Variants in SNX30 observed in about 807,000 individuals in gnomAD.
SNX30 encodes sorting nexin-30.
In SNX30, 24 loss-of-function variants were observed where a neutral mutation model predicts 46.4. The ratio of observed to expected loss-of-function variants is 0.52; its 90% CI spans 0.37 to 0.73. SNX30 has a LOEUF of 0.73. Among genes scored for constraint, SNX30 ranks in the 30% least tolerant of loss-of-function variants. The pLI, the probability that SNX30 is intolerant of heterozygous loss-of-function variation, is 0.00. For missense variants in SNX30, 533 were observed against 555.7 expected (o/e 0.96, Z 0.41); for synonymous variants, 189 against 211.5 (o/e 0.89, Z 0.92).
chr9:112,860,762 T>C (rs1841212865), intron 7 of SNX30, among the ~76,000 whole-genome samples: 1 of 152,228 alleles, frequency 6.6e-6, no homozygotes. Flanking sequence ...ATATAGTTTG[T>C]ATTTGGAAGA....
At chr9:112,822,227 T>C (rs1444534700) in intron 3 of SNX30, among the ~76,000 whole-genome samples, 1 of 152,214 alleles carries the variant, frequency 6.6e-6, no homozygotes, top group Middle Eastern at 3.2e-3. Context: ...AGTAACCATA[T>C]GTTCTTAAAA....
chr9:112,761,692 C>T (rs1000358277), intron 1 of SNX30, among the ~76,000 whole-genome samples: 5 of 151,900 alleles, frequency 3.3e-5, no homozygotes, highest in African/African-American at 7.3e-5. Flanking sequence ...GAGAGGGGGG[C>T]GCAGACCGGG....
At chr9:112,849,828 G>A (rs1363145092) in intron 6 of SNX30, among the ~76,000 whole-genome samples, 2 of 152,238 alleles carry the variant, frequency 1.3e-5, no homozygotes, top group African/African-American at 4.8e-5. Flanking sequence ...TGTGGGGAAA[G>A]TGCATGATTA....
intron 4 of SNX30, among the ~76,000 whole-genome samples, chr9:112,835,796 T>C (rs755420725): frequency 3.3e-5 from 5 of 152,194 alleles, no homozygotes; most frequent in African/African-American, 7.2e-5. Flanking sequence ...ACTCCCCTTA[T>C]ATGGCTTTAG....
chr9:112,778,358 C>T (rs866400238), intron 1 of SNX30, among the ~76,000 whole-genome samples: 2 of 149,160 alleles, frequency 1.3e-5, no homozygotes, highest in South Asian at 2.1e-4. Flanking sequence ...CTGCAACCTA[C>T]GCCTCCCGGG....
chr9:112,759,598 G>A (rs560634619), intron 1 of SNX30, among the ~76,000 whole-genome samples: 42 of 152,090 alleles, frequency 2.8e-4, no homozygotes, highest in African/African-American at 7.0e-4. Flanking sequence ...GCATGGTGGC[G>A]CACACCTGTA....
intron 1 of SNX30, among the ~76,000 whole-genome samples, chr9:112,791,194 A>G (rs1209559071): frequency 6.6e-6 from 1 of 152,070 alleles, no homozygotes; most frequent in African/African-American, 2.4e-5. Flanking sequence ...GTCTTTATTA[A>G]GCTGGCTCTC....
intron 2 of SNX30, among the ~76,000 whole-genome samples, chr9:112,807,836 C>G (rs1187685551): frequency 2.0e-5 from 3 of 152,198 alleles, no homozygotes; most frequent in Admixed American, 2.0e-4. Flanking sequence ...CTTTTTCCCT[C>G]TGTGTTCTTA....
intron 1 of SNX30, among the ~76,000 whole-genome samples, chr9:112,776,493 G>A (rs551861361): frequency 1.6e-4 from 25 of 152,306 alleles, no homozygotes; most frequent in African/African-American, 4.1e-4. Context: ...TGAGCATGCC[G>A]AGTTTCCAGT....
chr9:112,764,902 G>A (rs149197861), intron 1 of SNX30, among the ~76,000 whole-genome samples: 11 of 152,314 alleles, frequency 7.2e-5, no homozygotes, highest in Non-Finnish European at 1.3e-4. Context: ...CATCATCGAC[G>A]CAGGGGGAGT....
At chr9:112,879,766 T>G, downstream of SNX30, 2 of 1,612,310 alleles carry the variant, frequency 1.2e-6, no homozygotes, top group Non-Finnish European at 1.7e-6. Context: ...GCATCTTCAT[T>G]TCTCTATGAT....
chr9:112,822,038 C>T (rs990220090), intron 3 of SNX30, among the ~76,000 whole-genome samples: 34 of 152,028 alleles, frequency 2.2e-4, no homozygotes, highest in African/African-American at 7.0e-4. Context: ...CTCAGCCTCT[C>T]GAATAGCTGG....
At chr9:112,811,530 T>G (rs1462249046) in intron 2 of SNX30, among the ~76,000 whole-genome samples, 1 of 152,144 alleles carries the variant, frequency 6.6e-6, no homozygotes, top group Admixed American at 6.5e-5. Flanking sequence ...CATTCTGTGC[T>G]GGGTCTTCTA....
intron 3 of SNX30, among the ~76,000 whole-genome samples, chr9:112,826,346 A>T (rs574527553): frequency 1.3e-5 from 2 of 152,310 alleles, no homozygotes; most frequent in South Asian, 4.2e-4. Context: ...GGGGTTGAGA[A>T]ATCAATGGGA....
At chr9:112,811,496 C>T (rs1158684692) in intron 2 of SNX30, among the ~76,000 whole-genome samples, 1 of 152,126 alleles carries the variant, frequency 6.6e-6, no homozygotes, top group Non-Finnish European at 1.5e-5. Flanking sequence ...GTGGAGTGCC[C>T]TGCTGGATGA....
chr9:112,838,495 C>T lies in SNX30; in HGVS notation c.815-3C>T. ...TTTTAATTAGTTTCTGTTCCCTGTT[C>T]AGAGTACCTTGTGGAGCTGAGAGAA... On this transcript the variant is annotated splice_polypyrimidine_tract_variant and splice_region_variant and intron_variant, in intron 5 of 8. Transcript: ENST00000374232. 1 of 1,607,120 alleles carries T rather than the reference C, an allele frequency of 6.2e-7. No homozygotes were observed. The highest frequency in any genetic ancestry group is 2.2e-5 in the East Asian group (1 of 44,732).
intron 1 of SNX30, among the ~76,000 whole-genome samples, chr9:112,795,730 A>G (rs940413523): frequency 6.0e-5 from 9 of 150,604 alleles, no homozygotes; most frequent in Middle Eastern, 3.4e-3. Flanking sequence ...CTGGGGAGAC[A>G]GAAAGATAAT....
chr9:112,877,114 C>A (rs573229912), downstream of SNX30: 2 of 146,906 alleles, frequency 1.4e-5, no homozygotes, highest in East Asian at 4.1e-4. Context: ...CTAACCGGTT[C>A]CCAGGTGATG....
chr9:112,756,793 C>T (rs1180067634), intron 1 of SNX30, among the ~76,000 whole-genome samples: 2 of 152,192 alleles, frequency 1.3e-5, no homozygotes, highest in African/African-American at 4.8e-5. Context: ...TCTGCTCTCT[C>T]CCACGGCCGC....
Sources: gnomAD v4.1 joint callset for allele counts (sites outside exome capture counted in the v4.1 genomes callset) on GRCh38, gnomAD v4.1.1 for gene constraint, MANE v1.5 for transcripts, NCBI Gene and HGNC (gene_info 2026-07-23, HGNC 2026-07-21) for gene names.